CLIP3: variants seen among roughly 807,000 people sequenced by gnomAD.
The protein encoded by CLIP3 is CAP-Gly domain containing linker protein 3.
In CLIP3, 15 loss-of-function variants were observed where a neutral mutation model predicts 59.4. The observed-to-expected ratio is 0.25, with a 90% confidence interval of 0.17 to 0.39. The LOEUF (loss-of-function observed/expected upper bound fraction) is 0.39. Among genes scored for constraint, CLIP3 ranks in the 10% least tolerant of loss-of-function variants. CLIP3 has a pLI of 1.00. For synonymous variants in CLIP3, 300 were observed against 321.6 expected, an observed-to-expected ratio of 0.93 and a Z score of 0.72; for missense variants, 495 against 765.7, an observed-to-expected ratio of 0.65 and a Z score of 4.17.
chr19:36,016,670 G>T lies in CLIP3; in HGVS notation c.1589+237C>A. The T allele has an allele frequency of 1.8e-6, 1 of 556,174 alleles. No homozygotes were observed. Among genetic ancestry groups the T allele is most frequent in the Admixed American group, 3.1e-5 (1 of 32,492 alleles). 34.5% of individuals were successfully genotyped at this position (556,174 alleles called of 1,614,324 possible). On this transcript the variant is annotated intron_variant, in intron 13 of 13. Transcript: ENST00000360535. This position sits in a 1 kb window ranked among gnomAD's most constrained non-coding sequence, Gnocchi z 4.1. ...GTCTCTAGCTGTTGTTCTGAGGCTC[G>T]TATGGAGTGAAGGGTGTTCTGCTTC...
chr19:36,029,013 T>C (rs1969187914), intron 2 of CLIP3, among the ~76,000 whole-genome samples: 1 of 143,110 alleles, frequency 7.0e-6, no homozygotes, highest in East Asian at 2.0e-4. Flanking sequence ...TTTTTTTTTT[T>C]TTTTTTTTTT....
At chr19:36,031,008 C>CTTTTTTTTTTTTTTTTTTTTTT (rs374690845) in intron 2 of CLIP3, among the ~76,000 whole-genome samples, 91 of 77,828 alleles carry the variant, frequency 1.2e-3, no homozygotes, top group East Asian at 3.1e-3. Flanking sequence ...TTTTTCTTTT[C>CTTTTTTTTTTTTTTTTTTTTTT]TTTTTTTTTT....
Position 36,016,715 on chromosome 19 carries a change from A to G in CLIP3, c.1589+192T>C. On this transcript the variant is annotated intron_variant, in intron 13 of 13. Coordinates refer to ENST00000360535, the MANE Select transcript of CLIP3 (RefSeq NM_015526.3). The surrounding 1 kb of genome is among the most constrained non-coding windows in gnomAD (Gnocchi z 4.1). Reference sequence around the variant, plus strand: ...TGCTTCCTTTACCGGCCCACCCGAAAGTGGAATTCACTAGAATTCAGTGCG... The same window carrying G: ...TGCTTCCTTTACCGGCCCACCCGAAGGTGGAATTCACTAGAATTCAGTGCG... 1.6e-6 allele frequency: 1 copy of G among 615,652 alleles called. No homozygotes were observed. Among genetic ancestry groups the G allele is most frequent in the South Asian group, 2.0e-5 (1 of 50,956 alleles). 38.1% of individuals were successfully genotyped at this position (615,652 alleles called of 1,614,324 possible).
At chr19:36,018,419 A>C (rs1166008809) in intron 9 of CLIP3, among the ~76,000 whole-genome samples, 1 of 152,002 alleles carries the variant, frequency 6.6e-6, no homozygotes, top group African/African-American at 2.4e-5. Flanking sequence ...TCTCTACAGA[A>C]AAAAATACAA....
At chr19:36,031,008 CTTTT>C (rs374690845) in intron 2 of CLIP3, among the ~76,000 whole-genome samples, 3 of 77,838 alleles carry the variant, frequency 3.9e-5, no homozygotes, top group African/African-American at 5.5e-5. Context: ...TTTTTCTTTT[CTTTT>C]TTTTTTTTTT....
In CLIP3 at chr19:36,026,105, G is replaced by T; in HGVS notation, c.681+42C>A. 6.8e-7 allele frequency: 1 copy of T among 1,466,482 alleles called. No individual in the cohort carries two copies. Among genetic ancestry groups the T allele is most frequent in the South Asian group, 1.1e-5 (1 of 87,366 alleles). 90.8% of individuals were successfully genotyped at this position (1,466,482 alleles called of 1,614,324 possible). On this transcript the variant is annotated intron_variant, in intron 6 of 13. Transcript: ENST00000360535. The surrounding 1 kb of genome is among the most constrained non-coding windows in gnomAD (Gnocchi z 6.3). ...CTGCTGGAGGGAAGTGGGGGAGGAAGGGAGCAGGAGGGTAACGGGTTCTGG... is the reference window on the plus strand; with the variant it reads ...CTGCTGGAGGGAAGTGGGGGAGGAATGGAGCAGGAGGGTAACGGGTTCTGG...
intron 9 of CLIP3, 68 bp downstream of exon 9, chr19:36,018,830 C>T (rs999916491): frequency 1.9e-6 from 3 of 1,545,740 alleles, no homozygotes; most frequent in Non-Finnish European, 2.6e-6. Context: ...AACTGAGTCA[C>T]AGAAGCTGAG....
At position 36,017,980 on chromosome 19, in the gene CLIP3, T is replaced by A. The variant is rs769073264; in HGVS notation, c.1195A>T (p.Thr399Ser). 6.2e-7 allele frequency: 1 copy of A among 1,613,704 alleles called. No individual in the cohort carries two copies. Among genetic ancestry groups the A allele is most frequent in the South Asian group, 1.1e-5 (1 of 91,066 alleles). ...CTGCCCAGAGATGGGGATGATGGGG[T>A]CTTCTTCTTGCCTAAGGGTAGAAGG... ...GRREHKGKKK[T>S]PSSPSLGSLQ... Residue 399 changes from threonine to serine, a missense_variant, in exon 10 of 14, where the codon ACC (threonine) becomes TCC (serine). Thr to Ser is a moderately conservative substitution (Grantham distance 58, BLOSUM62 1). Coordinates refer to ENST00000360535, the MANE Select transcript of CLIP3 (RefSeq NM_015526.3).
At position 36,032,212 on chromosome 19, in the gene CLIP3, G is replaced by A; in HGVS notation, c.146C>T (p.Ala49Val). ...QKPVVHPSAP[A>V]PLPKDYAFTF... is the part of the protein sequence containing the mutation. Reference sequence around the variant, plus strand: ...GTTACCGTAGTCCTTAGGGAGGGGGGCAGGTGCCGAGGGGTGCACAACAGG... The same window carrying A: ...GTTACCGTAGTCCTTAGGGAGGGGGACAGGTGCCGAGGGGTGCACAACAGG... The change falls in exon 2 of 14, where the codon GCC (alanine) becomes GTC (valine). Residue 49 changes from alanine (A) to valine (V), a missense_variant. Physicochemically the swap from Ala to Val is moderately conservative, Grantham distance 64. Transcript: ENST00000360535. The surrounding 1 kb of genome is among the most constrained non-coding windows in gnomAD (Gnocchi z 4.3). The A allele has an allele frequency of 7.7e-7, 1 of 1,295,206 alleles. No individual in the cohort carries two copies. Among genetic ancestry groups the A allele is most frequent in the Non-Finnish European group, 9.9e-7 (1 of 1,011,686 alleles). 80.2% of individuals were successfully genotyped at this position (1,295,206 alleles called of 1,614,324 possible).
Position 36,016,254 on chromosome 19 carries a change from C to T in CLIP3, c.1590-42G>A, listed in dbSNP as rs192589065. Reference sequence around the variant, plus strand: ...CAGGGTCACGCCCTTAGGCAGGCAGCGGGGACATCTGCACCCATCACCCCC... The same window carrying T: ...CAGGGTCACGCCCTTAGGCAGGCAGTGGGGACATCTGCACCCATCACCCCC... On this transcript the variant is annotated intron_variant, in intron 13 of 13. Transcript: ENST00000360535. This position sits in a 1 kb window ranked among gnomAD's most constrained non-coding sequence, Gnocchi z 4.1. 3,613 of 1,609,640 alleles carry T rather than the reference C, an allele frequency of 2.2e-3. 22 individuals carry two copies. The highest frequency in any genetic ancestry group is 9.2e-3 in the South Asian group (833 of 90,846).
intron 7 of CLIP3, among the ~76,000 whole-genome samples, chr19:36,020,114 C>T (rs1968915751): frequency 1.3e-5 from 2 of 151,878 alleles, no homozygotes; most frequent in Non-Finnish European, 2.9e-5. Context: ...TAACCAGGTG[C>T]AGTAGCTCAA....
chr19:36,015,808 T>G lies in CLIP3; in HGVS notation c.*350A>C. The G allele has an allele frequency of 3.2e-6, 1 of 313,090 alleles. No individual in the cohort carries two copies. 19.4% of individuals were successfully genotyped at this position (313,090 alleles called of 1,614,324 possible). On this transcript the variant is annotated 3_prime_UTR_variant, in exon 14 of 14. Transcript: ENST00000360535. ...AATGGGGAGGTTTCTGATCCAGGGT[T>G]GGGTGATTCAAGAATGTTCTGTTGT...
rs769975896 is a variant in CLIP3, at chr19:36,019,237, C to T, written c.988G>A (p.Glu330Lys). 14 of 1,613,924 alleles carry T rather than the reference C, an allele frequency of 8.7e-6. 1 individual carries two copies. The highest frequency in any genetic ancestry group is 3.3e-5 in the South Asian group (3 of 91,096). Residue 330 changes from glutamate to lysine, a missense_variant, in exon 8 of 14, where the codon GAA becomes AAA. Coordinates refer to ENST00000360535, the MANE Select transcript of CLIP3 (RefSeq NM_015526.3). ...CTGCCATCGTTCTTGCCCTCAGGTT[C>T]GTCCAGCTCCACGCCCACCCACTGG... ...SGQWVGVELD[E>K]PEGKNDGSVG...
At position 36,017,915 on chromosome 19, in the gene CLIP3, G is replaced by C. The variant is rs978255220; in HGVS notation, c.1260C>G (p.Asp420Glu). Residue 420 changes from aspartate to glutamate, a missense_variant, in exon 10 of 14, where the codon GAC (aspartate) becomes GAG (glutamate). By Grantham distance (45) the Asp-to-Glu change is conservative. This residue lies in a region of CLIP3 where 179 missense variants were observed against 226.2 expected (regional missense o/e 0.79). Coordinates refer to ENST00000360535, the MANE Select transcript of CLIP3 (RefSeq NM_015526.3). Reference protein sequence around the residue: ...QRDGAKAEVGDQVLVAGQKQG... With the variant: ...QRDGAKAEVGEQVLVAGQKQG... The stretch of plus-strand genomic sequence containing the variant: ...GCTTCTGGCCCGCGACAAGGACCTG[G>C]TCTCCAACCTCAGCCTTGGCCCCGT... 11 of 1,614,002 alleles carry C rather than the reference G, an allele frequency of 6.8e-6. No individual in the cohort carries two copies. Among genetic ancestry groups the C allele is most frequent in the African/African-American group, 4.0e-5 (3 of 74,912 alleles).
chr19:36,026,683 C>T lies in CLIP3; in HGVS notation c.465G>A (p.Leu155=). The T allele has an allele frequency of 3.1e-6, 5 of 1,610,164 alleles. No individual in the cohort carries two copies. The highest frequency in any genetic ancestry group is 4.2e-6 in the Non-Finnish European group (5 of 1,178,938). The change falls in exon 5 of 14, where the codon CTG becomes CTA. Residue 155 remains leucine, a synonymous_variant. Transcript: ENST00000360535. This position sits in a 1 kb window ranked among gnomAD's most constrained non-coding sequence, Gnocchi z 6.3. ...QLLALGADVT[L]RSRWTNMNAL... ...CGTTCATGTTGGTCCAGCGGCTGCG[C>T]AGCGTCACATCTGCGCCCAGCGCCA...
chr19:36,019,457 C>T, intron 7 of CLIP3, 151 bp from the exon 8 acceptor site: 1 of 848,294 alleles, frequency 1.2e-6, no homozygotes, highest in South Asian at 1.5e-5. Flanking sequence ...CATGACTTAA[C>T]CTCTGTGTGC....
At chr19:36,027,959 G>T (rs997471108) in intron 2 of CLIP3, among the ~76,000 whole-genome samples, 13 of 152,102 alleles carry the variant, frequency 8.5e-5, no homozygotes, top group African/African-American at 2.4e-4. Context: ...GAGCCCAGGA[G>T]TTCAAGGCTG....
chr19:36,019,603 A>T (rs201229866), intron 7 of CLIP3, among the ~76,000 whole-genome samples: 16,137 of 121,984 alleles, frequency 0.13, 992 homozygotes, highest in South Asian at 0.19. Flanking sequence ...TATTTATTTT[A>T]TTTATTTTTT....
rs1413659385 is a variant in CLIP3, at chr19:36,019,607, AT to A, written c.919-302del. On this transcript the variant is annotated intron_variant, in intron 7 of 13. Coordinates refer to ENST00000360535, the MANE Select transcript of CLIP3 (RefSeq NM_015526.3). ...ATTTATTTATTTATTTATTTTATTTATTTTTTTTTTTTTCGAGACAGCGTCT... is the reference window on the plus strand; with the variant it reads ...ATTTATTTATTTATTTATTTTATTTATTTTTTTTTTTTCGAGACAGCGTCT... 6.8e-3 allele frequency among the ~76,000 whole-genome samples: 797 copies of A among 117,516 alleles called. 9 individuals are homozygous for A. The highest frequency in any genetic ancestry group is 0.022 in the African/African-American group (731 of 32,622). 77.1% of individuals were successfully genotyped at this position (117,516 alleles called of 152,430 possible). A position where few individuals can be genotyped will look rare whatever the true frequency, so the allele number is the denominator to read the frequency against.
Sources: gnomAD v4.1 joint callset for allele counts (sites outside exome capture counted in the v4.1 genomes callset) on GRCh38, gnomAD v4.1.1 for gene constraint, gnomAD v4.1.1 regional missense constraint, Gnocchi (gnomAD v3.1) non-coding constraint, MANE v1.5 for transcripts, NCBI Gene and HGNC (gene_info 2026-07-23, HGNC 2026-07-21) for gene names.